Variants in MARCHF1 observed in about 807,000 individuals in gnomAD.
MARCHF1 encodes the protein E3 ubiquitin-protein ligase MARCHF1.
A neutral mutation model predicts 54.2 loss-of-function variants in MARCHF1; 40 were observed. That is an observed-to-expected ratio of 0.74 (90% confidence interval 0.57 to 0.96). MARCHF1 has a LOEUF of 0.96. Among genes scored for constraint, MARCHF1 ranks in the 40% least tolerant of loss-of-function variants. The pLI is 0.00. For synonymous variants in MARCHF1, 236 were observed against 236.3 expected, an observed-to-expected ratio of 1.00 and a Z score of 0.01; for missense variants, 586 against 656.5, an observed-to-expected ratio of 0.89 and a Z score of 1.17.
chr4:163,607,737 T>C (rs921754924), intron 7 of MARCHF1, among the ~76,000 whole-genome samples: 1 of 152,122 alleles, frequency 6.6e-6, no homozygotes, highest in Non-Finnish European at 1.5e-5. Flanking sequence ...ATGGGAACGA[T>C]TTGTAGCATA....
intron 3 of MARCHF1, among the ~76,000 whole-genome samples, chr4:163,879,310 A>G (rs1750363229): frequency 6.6e-6 from 1 of 152,212 alleles, no homozygotes; most frequent in Admixed American, 6.5e-5. Context: ...GCTGCCAACT[A>G]GTATAGCTGT....
At chr4:163,925,488 GTTACA>G (rs1560821822) in intron 3 of MARCHF1, among the ~76,000 whole-genome samples, 1 of 151,758 alleles carries the variant, frequency 6.6e-6, no homozygotes, top group Non-Finnish European at 1.5e-5. Flanking sequence ...TCAACCCATT[GTTACA>G]TTACTACTTG....
At chr4:164,081,234 A>AAAAAAAAAG (rs1560895110) in intron 2 of MARCHF1, among the ~76,000 whole-genome samples, 1 of 146,798 alleles carries the variant, frequency 6.8e-6, no homozygotes, top group Non-Finnish European at 1.5e-5. Context: ...AAAAAAAAAA[A>AAAAAAAAAG]AAAGAAATAT....
At chr4:163,855,077 G>A (rs904734027) in intron 3 of MARCHF1, among the ~76,000 whole-genome samples, 4 of 152,092 alleles carry the variant, frequency 2.6e-5, no homozygotes, top group Non-Finnish European at 4.4e-5. Flanking sequence ...TAACATTTCA[G>A]AGATTCAAAA....
intron 1 of MARCHF1, among the ~76,000 whole-genome samples, chr4:164,230,828 A>G (rs927478950): frequency 2.0e-5 from 3 of 152,136 alleles, no homozygotes; most frequent in African/African-American, 7.2e-5. Flanking sequence ...TATTATTATT[A>G]TTCTTGGTAA....
chr4:163,665,534 T>G (rs533952210), intron 5 of MARCHF1, among the ~76,000 whole-genome samples: 2 of 152,290 alleles, frequency 1.3e-5, no homozygotes, highest in East Asian at 3.9e-4. Context: ...GTTACAACAA[T>G]TTTTACATAT....
chr4:163,659,697 A>G (rs1461590436), intron 5 of MARCHF1, among the ~76,000 whole-genome samples: 2 of 152,098 alleles, frequency 1.3e-5, no homozygotes, highest in African/African-American at 2.4e-5. Context: ...GAATTTAAAC[A>G]AATTTACAAG....
intron 2 of MARCHF1, among the ~76,000 whole-genome samples, chr4:164,095,407 C>A (rs1409877342): frequency 1.4e-5 from 2 of 145,828 alleles, no homozygotes; most frequent in Admixed American, 6.8e-5. Context: ...ATATTACACA[C>A]ACACACAAAC....
intron 1 of MARCHF1, among the ~76,000 whole-genome samples, chr4:164,180,447 T>C (rs1226825599): frequency 2.0e-5 from 3 of 152,216 alleles, no homozygotes; most frequent in Non-Finnish European, 4.4e-5. Context: ...AATGTTCATC[T>C]AATAATTTTA....
intron 2 of MARCHF1, among the ~76,000 whole-genome samples, chr4:164,078,895 T>C (rs1428382916): frequency 6.6e-6 from 1 of 152,024 alleles, no homozygotes; most frequent in Admixed American, 6.6e-5. Context: ...GTTGTGCACA[T>C]GTACCCTAAA....
intron 1 of MARCHF1, among the ~76,000 whole-genome samples, chr4:164,150,765 C>A (rs1321580742): frequency 1.3e-5 from 2 of 152,152 alleles, no homozygotes; most frequent in African/African-American, 4.8e-5. Context: ...GAAAATATAT[C>A]TGTAGACAAA....
chr4:164,119,872 A>T (rs879633642), intron 1 of MARCHF1, among the ~76,000 whole-genome samples: 23 of 152,146 alleles, frequency 1.5e-4, no homozygotes, highest in Non-Finnish European at 2.9e-4. Context: ...CCATGCACAA[A>T]AGAACAAGAA....
chr4:164,072,032 A>G (rs1754877515), intron 2 of MARCHF1, among the ~76,000 whole-genome samples: 1 of 150,674 alleles, frequency 6.6e-6, no homozygotes, highest in East Asian at 1.9e-4. Flanking sequence ...TAACATAGAA[A>G]CCAAAAAAAA....
At chr4:164,176,941 G>GCGCTCTCT (rs1440878007) in intron 1 of MARCHF1, among the ~76,000 whole-genome samples, 2 of 58,184 alleles carry the variant, frequency 3.4e-5, no homozygotes, top group South Asian at 1.4e-3. Flanking sequence ...TACCTTGTGC[G>GCGCTCTCT]CTCTCTCTCT....
In MARCHF1 at chr4:164,013,078, G is replaced by A. The variant is rs114869201; in HGVS notation, c.-247-24369C>T. Among the ~76,000 whole-genome samples, 1,049 of 152,238 alleles carry A rather than the reference G, an allele frequency of 6.9e-3. 9 individuals carry two copies. Among genetic ancestry groups the A allele is most frequent in the African/African-American group, 0.024 (993 of 41,530 alleles). On this transcript the variant is annotated intron_variant, in intron 2 of 9. Coordinates refer to ENST00000514618, the MANE Select transcript of MARCHF1 (RefSeq NM_001394959.1). ...CACTAGCAACCAATACTGAAGTGAT[G>A]GAGATATGTGATCTTTCAGACAGGG...
At chr4:163,921,771 A>G (rs1751435761) in intron 3 of MARCHF1, among the ~76,000 whole-genome samples, 1 of 152,168 alleles carries the variant, frequency 6.6e-6, no homozygotes, top group Non-Finnish European at 1.5e-5. Flanking sequence ...TGTTTCTTTT[A>G]TGATTATGAG....
chr4:164,176,098 AC>A (rs1268479977), intron 1 of MARCHF1, among the ~76,000 whole-genome samples: 1 of 152,088 alleles, frequency 6.6e-6, no homozygotes, highest in African/African-American at 2.4e-5. Flanking sequence ...CAACACCTAA[AC>A]GTTTCCAAAG....
chr4:163,704,839 A>G (rs1257864382), intron 4 of MARCHF1, among the ~76,000 whole-genome samples: 1 of 151,808 alleles, frequency 6.6e-6, no homozygotes, highest in Admixed American at 6.6e-5. Context: ...TTTAAGTTAG[A>G]GAAAGGATAA....
chr4:164,221,144 A>G (rs1247910590), intron 1 of MARCHF1, among the ~76,000 whole-genome samples: 1 of 152,088 alleles, frequency 6.6e-6, no homozygotes, highest in Non-Finnish European at 1.5e-5. Flanking sequence ...AAAATAGTCT[A>G]TGAATTTGCT....
Sources: allele counts gnomAD v4.1 joint callset (sites outside exome capture counted in the v4.1 genomes callset), GRCh38; gene constraint gnomAD v4.1.1; transcripts MANE v1.5; gene names NCBI Gene and HGNC (gene_info 2026-07-23, HGNC 2026-07-21).